Variants in NCOR2 observed in about 807,000 individuals in gnomAD.
NCOR2 encodes nuclear receptor corepressor 2.
Under a neutral mutation model 262.9 loss-of-function variants are expected in NCOR2, and 81 were observed. The ratio of observed to expected loss-of-function variants is 0.31; its 90% CI spans 0.26 to 0.37. The LOEUF (loss-of-function observed/expected upper bound fraction) is 0.37. Ranked by LOEUF, NCOR2 falls within the 10% of genes least tolerant of loss-of-function variation. The pLI is 1.00. For synonymous variants in NCOR2, 1,659 were observed against 1,559.3 expected (o/e 1.06, Z -1.51); for missense variants, 3,385 against 3,621.4 (o/e 0.93, Z 1.68).
chr12:124,355,443 C>A (rs1416393956), exon 24 of NCOR2: 6 of 1,613,362 alleles, frequency 3.7e-6, no homozygotes, highest in Non-Finnish European at 5.1e-6. Context: ...TGGGAGATGG[C>A]ACCTATTTGC....
At chr12:124,335,758 G>C (rs191991552) in intron 38 of NCOR2, 126 bp from the exon 41 acceptor site, 2 of 1,120,802 alleles carry the variant, frequency 1.8e-6, no homozygotes, top group Admixed American at 5.6e-5. Context: ...TAGGGGTAGG[G>C]TTTGGGCTCC....
intron 1 of NCOR2, among the ~76,000 whole-genome samples, chr12:124,543,755 A>G (rs1000464875): frequency 6.6e-6 from 1 of 152,146 alleles, no homozygotes; most frequent in Non-Finnish European, 1.5e-5. Flanking sequence ...AGCACGGGCC[A>G]CGACAGGGCA....
In NCOR2 at chr12:124,482,965, G is replaced by A. The variant is rs537292488; in HGVS notation, c.411+631C>T. Among the ~76,000 whole-genome samples the A allele has an allele frequency of 8.5e-5, 13 of 152,250 alleles. No homozygotes were observed. The South Asian group carries it at 2.5e-3, about 29-fold the overall frequency. ...AACCAAGCACCGCCCCTTTAGTGCTGAGCCAACTCTGTCTCATCTCACTTT... is the reference window on the plus strand; with the variant it reads ...AACCAAGCACCGCCCCTTTAGTGCTAAGCCAACTCTGTCTCATCTCACTTT... On this transcript the variant is annotated intron_variant, in intron 3 of 46. Coordinates refer to ENST00000405201, the Ensembl canonical transcript of NCOR2. The surrounding 1 kb of genome is among the most constrained non-coding windows in gnomAD (Gnocchi z 6.3).
intron 1 of NCOR2, among the ~76,000 whole-genome samples, chr12:124,559,245 G>A (rs11057671): frequency 0.28 from 42,030 of 152,158 alleles, 7,038 homozygotes; most frequent in Middle Eastern, 0.39. Context: ...ACAAGTCCAG[G>A]TTGGAACCAG....
intron 22 of NCOR2, among the ~76,000 whole-genome samples, chr12:124,358,043 T>C: frequency 6.7e-6 from 1 of 149,518 alleles, no homozygotes; most frequent in Non-Finnish European, 1.5e-5. Flanking sequence ...AGTGCATGGA[T>C]GTGTGTGTGC....
intron 3 of NCOR2, among the ~76,000 whole-genome samples, chr12:124,477,729 C>A (rs992715684): frequency 6.6e-6 from 1 of 152,226 alleles, no homozygotes; most frequent in African/African-American, 2.4e-5. Context: ...GGCGGTCAGG[C>A]CTGCAGGTGC....
At chr12:124,336,539 C>T in intron 38 of NCOR2, 1 of 1,325,282 alleles carries the variant, frequency 7.5e-7, no homozygotes, top group Non-Finnish European at 9.7e-7. Flanking sequence ...AACAAAATAC[C>T]AAAACCAACA....
chr12:124,505,296 C>T (rs974486497), intron 1 of NCOR2, among the ~76,000 whole-genome samples: 6 of 152,236 alleles, frequency 3.9e-5, no homozygotes, highest in Non-Finnish European at 7.3e-5. Context: ...GGGGGCCCCC[C>T]GGTGCCATGG....
At chr12:124,428,088 TAC>T (rs3222471) in intron 10 of NCOR2, among the ~76,000 whole-genome samples, 4,933 of 147,294 alleles carry the variant, frequency 0.033, 205 homozygotes, top group African/African-American at 0.091. Context: ...TGTGTGTGTG[TAC>T]ATGCAACAAT....
exon 47 of NCOR2, chr12:124,325,215 C>T (rs879175302): frequency 7.5e-6 from 3 of 401,408 alleles, no homozygotes; most frequent in African/African-American, 2.1e-5. Context: ...CAGCCCGGGG[C>T]GGGAGTCTTA....
intron 1 of NCOR2, among the ~76,000 whole-genome samples, chr12:124,508,738 A>G (rs141946504): frequency 6.6e-6 from 1 of 152,176 alleles, no homozygotes; most frequent in Non-Finnish European, 1.5e-5. Flanking sequence ...CGATATTTCT[A>G]AAAAAACACT....
intron 32 of NCOR2, among the ~76,000 whole-genome samples, chr12:124,343,640 TTTGA>T (rs1169574362): frequency 6.6e-6 from 1 of 152,000 alleles, no homozygotes; most frequent in Non-Finnish European, 1.5e-5. Flanking sequence ...TTTTTTTTTT[TTTGA>T]GATAAGAGTT....
intron 1 of NCOR2, among the ~76,000 whole-genome samples, chr12:124,554,365 G>A (rs1056460165): frequency 6.6e-6 from 1 of 152,076 alleles, no homozygotes; most frequent in African/African-American, 2.4e-5. Context: ...GTTCCACATC[G>A]TCATGGCCCT....
chr12:124,334,364 G>A (rs929369594), intron 41 of NCOR2, 60 bp downstream of exon 43: 28 of 1,262,608 alleles, frequency 2.2e-5, no homozygotes, highest in Non-Finnish European at 2.8e-5. Flanking sequence ...TCTGAGGCAG[G>A]CAGCTGACGA....
At chr12:124,515,444 T>C (rs1415690439) in intron 1 of NCOR2, among the ~76,000 whole-genome samples, 1 of 151,188 alleles carries the variant, frequency 6.6e-6, no homozygotes, top group Non-Finnish European at 1.5e-5. Context: ...CCCCCAAGAA[T>C]AACATCCTGA....
At chr12:124,565,360 G>A (rs2052202225) in intron 1 of NCOR2, among the ~76,000 whole-genome samples, 1 of 152,154 alleles carries the variant, frequency 6.6e-6, no homozygotes, top group Non-Finnish European at 1.5e-5. Flanking sequence ...GCCAGACAGA[G>A]CCCGGGATGC....
At chr12:124,374,514 G>T (rs941914577) in intron 18 of NCOR2, 51 bp from the exon 21 acceptor site, 3 of 1,574,304 alleles carry the variant, frequency 1.9e-6, no homozygotes, top group East Asian at 2.3e-5. Context: ...CAAGTAGTGG[G>T]AGGGGAGGGA....
chr12:124,536,717 G>A (rs777560543), upstream of NCOR2, among the ~76,000 whole-genome samples: 4 of 152,204 alleles, frequency 2.6e-5, no homozygotes, highest in Non-Finnish European at 4.4e-5. Context: ...GATGCAAAAT[G>A]GAGCAACTAC....
chr12:124,374,269 G>T, intron 19 of NCOR2, 144 bp downstream of exon 21: 1 of 791,092 alleles, frequency 1.3e-6, no homozygotes, highest in Non-Finnish European at 2.1e-6. Flanking sequence ...TGGGAAGGAA[G>T]CCCAGAGGCC....
Sources: allele counts gnomAD v4.1 joint callset (sites outside exome capture counted in the v4.1 genomes callset), GRCh38; gene constraint gnomAD v4.1.1; non-coding constraint Gnocchi (gnomAD v3.1); transcripts MANE v1.5; gene names NCBI Gene and HGNC (gene_info 2026-07-23, HGNC 2026-07-21).